Variants in SNTG1 observed in about 807,000 individuals in gnomAD.
SNTG1 encodes the protein gamma-1-syntrophin.
In SNTG1, 39 loss-of-function variants were observed where a neutral mutation model predicts 74.7. The ratio of observed to expected loss-of-function variants is 0.52; its 90% confidence interval spans 0.40 to 0.68. The LOEUF (loss-of-function observed/expected upper bound fraction) is 0.68. Among genes scored for constraint, SNTG1 ranks in the 30% least tolerant of loss-of-function variants. The pLI is 0.00. For missense variants in SNTG1, 685 were observed against 609.5 expected, an observed-to-expected ratio of 1.12 and a Z score of -1.30; for synonymous variants, 254 against 217.1, an observed-to-expected ratio of 1.17 and a Z score of -1.49.
intron 1 of SNTG1, among the ~76,000 whole-genome samples, chr8:50,067,540 T>C (rs1293863540): frequency 6.6e-6 from 1 of 152,220 alleles, no homozygotes; most frequent in Non-Finnish European, 1.5e-5. Flanking sequence ...AGCTCTTACA[T>C]TTTGTTAAAC....
At chr8:50,105,368 T>C (rs1310092738) in intron 1 of SNTG1, among the ~76,000 whole-genome samples, 1 of 152,166 alleles carries the variant, frequency 6.6e-6, no homozygotes, top group Non-Finnish European at 1.5e-5. Flanking sequence ...GCACTCTCCA[T>C]TCTATTCCAT....
chr8:49,991,919 T>C (rs73569377), intron 1 of SNTG1, among the ~76,000 whole-genome samples: 4,498 of 152,230 alleles, frequency 0.03, 232 homozygotes, highest in African/African-American at 0.1. Context: ...ACCAATGAAT[T>C]ATGGCATTTA....
chr8:50,153,868 G>A (rs1271946930), intron 1 of SNTG1, among the ~76,000 whole-genome samples: 1 of 152,210 alleles, frequency 6.6e-6, no homozygotes, highest in Non-Finnish European at 1.5e-5. Context: ...CACTTGAGGA[G>A]GCAGTCTGTC....
At chr8:50,383,967 T>A (rs537774504) in intron 2 of SNTG1, among the ~76,000 whole-genome samples, 2 of 152,250 alleles carry the variant, frequency 1.3e-5, no homozygotes, top group African/African-American at 4.8e-5. Flanking sequence ...ATAGAAACAT[T>A]CTTCACTGTG....
chr8:49,975,923 G>A (rs1293518319), intron 1 of SNTG1, among the ~76,000 whole-genome samples: 1 of 152,038 alleles, frequency 6.6e-6, no homozygotes, highest in African/African-American at 2.4e-5. Context: ...CATGTTGGTG[G>A]TGAATTACAT....
intron 1 of SNTG1, among the ~76,000 whole-genome samples, chr8:50,019,681 T>G (rs1433627030): frequency 6.6e-6 from 1 of 151,970 alleles, no homozygotes; most frequent in African/African-American, 2.4e-5. Flanking sequence ...TGTGAAAACA[T>G]AAACAAAATC....
At chr8:50,437,306 A>G (rs1180826371) in intron 4 of SNTG1, among the ~76,000 whole-genome samples, 4 of 152,176 alleles carry the variant, frequency 2.6e-5, no homozygotes, top group South Asian at 2.1e-4. Flanking sequence ...CAATAATAGT[A>G]TACCTCAAAT....
intron 2 of SNTG1, among the ~76,000 whole-genome samples, chr8:50,216,357 A>G (rs2084792219): frequency 6.6e-6 from 1 of 152,206 alleles, no homozygotes; most frequent in Non-Finnish European, 1.5e-5. Flanking sequence ...TTTGAAATGT[A>G]GAACTATCTT....
At chr8:50,557,137 C>A (rs567437550) in intron 12 of SNTG1, among the ~76,000 whole-genome samples, 4 of 151,856 alleles carry the variant, frequency 2.6e-5, no homozygotes, top group South Asian at 4.2e-4. Context: ...CCAGCATGCA[C>A]CCCCACTTCT....
chr8:49,925,943 A>G (rs1249746596), intron 1 of SNTG1, among the ~76,000 whole-genome samples: 1 of 152,166 alleles, frequency 6.6e-6, no homozygotes, highest in Non-Finnish European at 1.5e-5. Context: ...ATATCTCCCT[A>G]TGAGCACACT....
At chr8:49,974,565 C>A (rs924277244) in intron 1 of SNTG1, among the ~76,000 whole-genome samples, 1 of 152,044 alleles carries the variant, frequency 6.6e-6, no homozygotes, top group Admixed American at 6.6e-5. Flanking sequence ...ATAAGAGAGC[C>A]CTGGCCTGGC....
intron 17 of SNTG1, among the ~76,000 whole-genome samples, chr8:50,724,103 A>C (rs2095494253): frequency 1.3e-5 from 2 of 152,174 alleles, no homozygotes; most frequent in African/African-American, 2.4e-5. Context: ...ACTTTATCAA[A>C]AGCTTTTATT....
intron 8 of SNTG1, among the ~76,000 whole-genome samples, chr8:50,477,051 C>T (rs768131069): frequency 6.6e-5 from 10 of 151,962 alleles, no homozygotes; most frequent in East Asian, 3.9e-4. Context: ...TATGAGTCCT[C>T]GGTGACATAG....
At chr8:50,380,855 T>A (rs1487547450) in intron 2 of SNTG1, among the ~76,000 whole-genome samples, 1 of 152,218 alleles carries the variant, frequency 6.6e-6, no homozygotes, top group Non-Finnish European at 1.5e-5. Flanking sequence ...GATTTAATCA[T>A]AATAGGCAAG....
At chr8:50,413,694 C>T (rs2092979233) in intron 4 of SNTG1, among the ~76,000 whole-genome samples, 1 of 152,156 alleles carries the variant, frequency 6.6e-6, no homozygotes, top group Non-Finnish European at 1.5e-5. Context: ...CCTTCAGTAA[C>T]ATTTGGATGG....
At chr8:50,505,596 T>C (rs984743825) in intron 9 of SNTG1, among the ~76,000 whole-genome samples, 1 of 152,156 alleles carries the variant, frequency 6.6e-6, no homozygotes, top group African/African-American at 2.4e-5. Flanking sequence ...TGAATTTCCC[T>C]GATAATCAGT....
chr8:50,067,888 C>G (rs999238378), intron 1 of SNTG1, among the ~76,000 whole-genome samples: 1 of 152,150 alleles, frequency 6.6e-6, no homozygotes, highest in African/African-American at 2.4e-5. Context: ...CTCCATCAAC[C>G]GTTGCTGCAT....
chr8:50,493,692 T>C (rs1452547996), intron 8 of SNTG1, among the ~76,000 whole-genome samples: 1 of 151,394 alleles, frequency 6.6e-6, no homozygotes. Flanking sequence ...TATATAAGTG[T>C]ATAATTTTTA....
rs563764638 is a variant in SNTG1, at chr8:50,295,246, G to A, written c.-27-98966G>A. ...TCTAATAATGATAATCCAGGTCACT[G>A]TAAACAGATAGAACTACAAATAATG... is the stretch of plus-strand genomic sequence containing the variant. On this transcript the variant is annotated intron_variant, in intron 2 of 18. Coordinates refer to ENST00000642720, the MANE Select transcript of SNTG1 (RefSeq NM_018967.5). Among the ~76,000 whole-genome samples the A allele has an allele frequency of 1.4e-4, 22 of 152,136 alleles. No individual in the cohort carries two copies. In the South Asian group the frequency reaches 4.6e-3, roughly 31 times the overall value.
Sources: allele counts gnomAD v4.1 joint callset (sites outside exome capture counted in the v4.1 genomes callset), GRCh38; gene constraint gnomAD v4.1.1; transcripts MANE v1.5; gene names NCBI Gene and HGNC (gene_info 2026-07-23, HGNC 2026-07-21).